The following COPG2 variants were observed in gnomAD, a reference collection of about 807,000 sequenced individuals.
COPG2 encodes coatomer subunit gamma-2.
A neutral mutation model predicts 46.3 loss-of-function variants in COPG2; 37 were observed. The observed-to-expected ratio is 0.80, with a 90% CI of 0.61 to 1.05. The LOEUF (loss-of-function observed/expected upper bound fraction) is 1.05. COPG2 is among the 50% of genes least tolerant of loss of function. The pLI is 0.00. For missense variants in COPG2, 427 were observed against 387.8 expected (o/e 1.10, Z -0.85); for synonymous variants, 159 against 129.7 (o/e 1.23, Z -1.53).
intron 20 of COPG2, among the ~76,000 whole-genome samples, chr7:130,534,282 G>A (rs1194192645): frequency 6.6e-6 from 1 of 152,128 alleles, no homozygotes; most frequent in Non-Finnish European, 1.5e-5. Context: ...GAAACCACCG[G>A]CAGGGAACTC....
intron 9 of COPG2, chr7:130,605,354 C>T (rs945815724): frequency 3.7e-5 from 18 of 482,744 alleles, no homozygotes; most frequent in African/African-American, 2.6e-4. Context: ...GAATATGTTA[C>T]GTTACAACAT....
chr7:130,623,757 G>A (rs1216402845), intron 5 of COPG2, among the ~76,000 whole-genome samples: 1 of 152,100 alleles, frequency 6.6e-6, no homozygotes, highest in Non-Finnish European at 1.5e-5. Flanking sequence ...AGGCTGAGGT[G>A]GGAGGATTGC....
At chr7:130,648,550 C>T (rs1317484518) in intron 5 of COPG2, among the ~76,000 whole-genome samples, 10 of 152,126 alleles carry the variant, frequency 6.6e-5, no homozygotes, top group Admixed American at 4.6e-4. Context: ...TCTCCATCTT[C>T]GGACCTACGG....
intron 5 of COPG2, among the ~76,000 whole-genome samples, chr7:130,640,829 G>T (rs1563068276): frequency 6.6e-6 from 1 of 152,070 alleles, no homozygotes; most frequent in Non-Finnish European, 1.5e-5. Flanking sequence ...CAACTCCCTT[G>T]CTTGAAGAGA....
intron 9 of COPG2, among the ~76,000 whole-genome samples, chr7:130,605,494 A>C (rs1794710505): frequency 6.6e-6 from 1 of 152,240 alleles, no homozygotes; most frequent in Non-Finnish European, 1.5e-5. Context: ...CAGAAAGGCA[A>C]ATCAGAGAGA....
At chr7:130,591,771 G>A (rs1473378448) in intron 9 of COPG2, among the ~76,000 whole-genome samples, 6 of 147,816 alleles carry the variant, frequency 4.1e-5, no homozygotes, top group Admixed American at 2.0e-4. Flanking sequence ...CGTCCGGGAG[G>A]GAAGTGGAGG....
At chr7:130,614,214 T>C (rs1405441579) in intron 6 of COPG2, among the ~76,000 whole-genome samples, 2 of 151,950 alleles carry the variant, frequency 1.3e-5, no homozygotes, top group African/African-American at 4.8e-5. Context: ...TAAAGATGAG[T>C]AAAAAGACTG....
At chr7:130,602,775 C>T (rs1316458605) in intron 9 of COPG2, 1 of 152,144 alleles carries the variant, frequency 6.6e-6, no homozygotes, top group African/African-American at 2.4e-5. Flanking sequence ...ACCCGGCCAA[C>T]CACTTTCCTT....
chr7:130,657,317 G>A (rs1795877091), intron 4 of COPG2, among the ~76,000 whole-genome samples: 2 of 152,044 alleles, frequency 1.3e-5, no homozygotes, highest in Non-Finnish European at 2.9e-5. Context: ...AAAGGAAGAG[G>A]CAGTGGATGG....
intron 20 of COPG2, among the ~76,000 whole-genome samples, chr7:130,518,922 C>T (rs1278858873): frequency 6.8e-6 from 1 of 147,896 alleles, no homozygotes; most frequent in Admixed American, 6.8e-5. Context: ...AGGAAAACTG[C>T]TTGAACCCCG....
At chr7:130,587,310 A>AAAAAG (rs1177733329) in intron 9 of COPG2, among the ~76,000 whole-genome samples, 1 of 152,026 alleles carries the variant, frequency 6.6e-6, no homozygotes, top group Non-Finnish European at 1.5e-5. Flanking sequence ...CCATCTCAAA[A>AAAAAG]AAAAGAAAAG....
chr7:130,590,406 C>T (rs1471061250), intron 9 of COPG2, among the ~76,000 whole-genome samples: 1 of 152,244 alleles, frequency 6.6e-6, no homozygotes, highest in Non-Finnish European at 1.5e-5. Flanking sequence ...CAGGTGCGCG[C>T]CGCCACGCCT....
At chr7:130,600,115 C>G (rs1424188968) in intron 9 of COPG2, among the ~76,000 whole-genome samples, 3 of 152,110 alleles carry the variant, frequency 2.0e-5, no homozygotes, top group African/African-American at 7.2e-5. Flanking sequence ...ATGAAGAGAT[C>G]AAGAGGACTT....
At chr7:130,650,599 T>A (rs1160624852) in intron 5 of COPG2, among the ~76,000 whole-genome samples, 2 of 152,182 alleles carry the variant, frequency 1.3e-5, no homozygotes, top group Admixed American at 6.5e-5. Flanking sequence ...TAATCCGACA[T>A]CCATTTTCAA....
At chr7:130,607,018 A>C (rs1303111860) in intron 9 of COPG2, among the ~76,000 whole-genome samples, 1 of 152,090 alleles carries the variant, frequency 6.6e-6, no homozygotes, top group Non-Finnish European at 1.5e-5. Flanking sequence ...AGGCAGATTG[A>C]TTGCTTGAGC....
intron 5 of COPG2, among the ~76,000 whole-genome samples, chr7:130,622,847 GA>G (rs1795061685): frequency 6.6e-6 from 1 of 152,154 alleles, no homozygotes; most frequent in African/African-American, 2.4e-5. Flanking sequence ...ACCACTGTCA[GA>G]GGCAAGAAAG....
chr7:130,509,828 G>T, intron 20 of COPG2: 1 of 504,662 alleles, frequency 2.0e-6, no homozygotes, highest in Non-Finnish European at 4.0e-6. Context: ...TGCCATGTGA[G>T]GGTGCGGGAT....
intron 5 of COPG2, among the ~76,000 whole-genome samples, chr7:130,651,464 G>A (rs1043639530): frequency 1.4e-5 from 2 of 141,660 alleles, no homozygotes; most frequent in East Asian, 2.0e-4. Flanking sequence ...TTACAGGAGC[G>A]TGCTACCAAT....
chr7:130,616,385 A>G (rs76344833), intron 6 of COPG2, among the ~76,000 whole-genome samples: 8,719 of 152,214 alleles, frequency 0.057, 319 homozygotes, highest in African/African-American at 0.1. Context: ...ACTTGAGTTC[A>G]GCTCACACAG....
Sources: allele counts gnomAD v4.1 joint callset (sites outside exome capture counted in the v4.1 genomes callset), GRCh38; gene constraint gnomAD v4.1.1; transcripts MANE v1.5; gene names NCBI Gene and HGNC (gene_info 2026-07-23, HGNC 2026-07-21).